SAMD12: variants seen among roughly 807,000 people sequenced by gnomAD.
The protein encoded by SAMD12 is sterile alpha motif domain containing 12.
Under a neutral mutation model 15.0 loss-of-function variants are expected in SAMD12, and 9 were observed. That is an observed-to-expected ratio of 0.60 (90% CI 0.36 to 1.05). The LOEUF is 1.05. SAMD12 is among the 50% of genes least tolerant of loss of function. The probability of loss-of-function intolerance (pLI) is 0.01; values close to 1 mark genes in which losing one functional copy is unlikely to be tolerated. For missense variants in SAMD12, 230 were observed against 234.2 expected, an observed-to-expected ratio of 0.98 and a Z score of 0.12; for synonymous variants, 86 against 90.1, an observed-to-expected ratio of 0.96 and a Z score of 0.25.
intron 3 of SAMD12, among the ~76,000 whole-genome samples, chr8:118,384,693 A>T (rs1442610028): frequency 2.0e-5 from 3 of 152,170 alleles, no homozygotes; most frequent in Non-Finnish European, 4.4e-5. Context: ...TTTTTTCTTT[A>T]GAGAGCACTT....
At chr8:118,519,997 AT>A (rs1361684374) in intron 2 of SAMD12, among the ~76,000 whole-genome samples, 1 of 152,216 alleles carries the variant, frequency 6.6e-6, no homozygotes, top group African/African-American at 2.4e-5. Context: ...ATTACTGATA[AT>A]TGCAGATAAT....
chr8:118,444,037 A>G (rs1822832408), intron 2 of SAMD12, among the ~76,000 whole-genome samples: 2 of 151,556 alleles, frequency 1.3e-5, no homozygotes, highest in African/African-American at 4.9e-5. Context: ...CAACACCTAC[A>G]CTCTCTTCAC....
At chr8:118,549,284 T>C (rs1021052500) in intron 2 of SAMD12, among the ~76,000 whole-genome samples, 12 of 152,086 alleles carry the variant, frequency 7.9e-5, no homozygotes, top group Non-Finnish European at 1.3e-4. Context: ...ACCCCCCAAG[T>C]AGGGGCAAAC....
chr8:118,478,073 A>G (rs1824015547), intron 2 of SAMD12, among the ~76,000 whole-genome samples: 1 of 151,550 alleles, frequency 6.6e-6, no homozygotes, highest in Non-Finnish European at 1.5e-5. Flanking sequence ...CTGACTCTGC[A>G]CCTCTAGTTC....
intron 2 of SAMD12, among the ~76,000 whole-genome samples, chr8:118,464,616 T>C (rs1823532580): frequency 6.6e-6 from 1 of 152,158 alleles, no homozygotes; most frequent in Non-Finnish European, 1.5e-5. Flanking sequence ...GAAAGTAGCA[T>C]AAAGGATACA....
intron 4 of SAMD12, among the ~76,000 whole-genome samples, chr8:118,311,185 C>A (rs900956969): frequency 6.6e-6 from 1 of 152,154 alleles, no homozygotes; most frequent in Non-Finnish European, 1.5e-5. Context: ...CTGCAGCCTT[C>A]GAAATCCTTG....
intron 2 of SAMD12, among the ~76,000 whole-genome samples, chr8:118,466,685 T>A (rs1238265271): frequency 6.6e-6 from 1 of 152,198 alleles, no homozygotes; most frequent in Non-Finnish European, 1.5e-5. Context: ...GACCATCCTT[T>A]ACAAATTACT....
Position 118,378,917 on chromosome 8 carries a change from C to T in SAMD12, c.*500G>A. ...TATAATTCCTGTTAAGAATTATATA[C>T]TCTTAACAGTGTAGTTTTAGATTCA... is the stretch of plus-strand genomic sequence containing the variant. On this transcript the variant is annotated 3_prime_UTR_variant, in exon 4 of 4. Coordinates refer to ENST00000314727, the MANE Select transcript of SAMD12 (RefSeq NM_207506.3). 1 of 932,958 alleles carries T rather than the reference C, an allele frequency of 1.1e-6. No individual in the cohort carries two copies. Among genetic ancestry groups the T allele is most frequent in the Non-Finnish European group, 1.3e-6 (1 of 781,126 alleles). 57.8% of individuals were successfully genotyped at this position (932,958 alleles called of 1,614,324 possible). A position where few individuals can be genotyped will look rare whatever the true frequency, so the allele number is the denominator to read the frequency against.
the SAMD12 span, among the ~76,000 whole-genome samples, chr8:118,137,990 AAAATT>A: frequency 6.3e-4 from 96 of 151,786 alleles, no homozygotes; most frequent in Middle Eastern, 3.4e-3. Context: ...TCATGGGACT[AAAATT>A]AGAGAGGAAA....
chr8:118,282,214 G>A, intron 4 of SAMD12: 1 of 442,022 alleles, frequency 2.3e-6, no homozygotes, highest in Non-Finnish European at 4.5e-6. Flanking sequence ...GGAAATCTGG[G>A]TTTGGAGCAG....
chr8:118,433,207 G>A (rs962344455), intron 3 of SAMD12, among the ~76,000 whole-genome samples: 9 of 152,170 alleles, frequency 5.9e-5, no homozygotes, highest in Non-Finnish European at 1.2e-4. Context: ...GTGTGCTGAC[G>A]TAGTCTGCTT....
Position 118,329,700 on chromosome 8 carries a change from C to T in SAMD12, c.433+49860G>A, listed in dbSNP as rs533729942. Among the ~76,000 whole-genome samples the T allele has an allele frequency of 7.2e-5, 11 of 152,296 alleles. No homozygotes were observed. The East Asian group carries it at 1.2e-3, about 16-fold the overall frequency. On this transcript the variant is annotated intron_variant, in intron 4 of 4. Coordinates refer to the SAMD12 transcript ENST00000409003. ...TGAAATTCATCTGAATGGGTCATTG[C>T]TGCATGTTTTCCATTATTTGACTCT...
intron 2 of SAMD12, among the ~76,000 whole-genome samples, chr8:118,553,351 A>G (rs978171572): frequency 1.3e-5 from 2 of 152,008 alleles, no homozygotes; most frequent in African/African-American, 4.8e-5. Flanking sequence ...TCAATGGAAC[A>G]GAACAGAGCC....
At chr8:118,543,631 C>CTTTTTTTTTTTTTTTTTTT (rs397978436) in intron 2 of SAMD12, among the ~76,000 whole-genome samples, 19 of 116,626 alleles carry the variant, frequency 1.6e-4, no homozygotes, top group African/African-American at 5.4e-4. Context: ...TTCTTTCTTT[C>CTTTTTTTTTTTTTTTTTTT]TTTTTTTTTT....
intron 4 of SAMD12, among the ~76,000 whole-genome samples, chr8:118,319,405 C>G (rs929817769): frequency 7.2e-5 from 11 of 152,142 alleles, no homozygotes; most frequent in Non-Finnish European, 1.3e-4. Flanking sequence ...GGAAGGAGTT[C>G]TGTGTGACAC....
chr8:118,143,412 C>G, the SAMD12 span, among the ~76,000 whole-genome samples: 2 of 152,076 alleles, frequency 1.3e-5, no homozygotes, highest in African/African-American at 4.8e-5. Flanking sequence ...GCATAAATAC[C>G]CTAAGTGACT....
intron 2 of SAMD12, among the ~76,000 whole-genome samples, chr8:118,559,822 G>A (rs111890955): frequency 0.018 from 2,709 of 152,236 alleles, 84 homozygotes; most frequent in African/African-American, 0.062. Context: ...GAAATCTAAT[G>A]GGGTGTTGTA....
chr8:118,347,011 C>G (rs760834919), intron 4 of SAMD12, among the ~76,000 whole-genome samples: 8 of 152,202 alleles, frequency 5.3e-5, no homozygotes, highest in Non-Finnish European at 7.3e-5. Context: ...TCATGGGATT[C>G]CTCCTGCCTT....
intron 1 of SAMD12, among the ~76,000 whole-genome samples, chr8:118,605,864 A>G (rs1418409666): frequency 7.2e-6 from 1 of 138,492 alleles, no homozygotes; most frequent in African/African-American, 2.8e-5. Flanking sequence ...AGCTGTATGT[A>G]CAAGGGTTTA....
Sources: allele counts gnomAD v4.1 joint callset (sites outside exome capture counted in the v4.1 genomes callset), GRCh38; gene constraint gnomAD v4.1.1; transcripts MANE v1.5; gene names NCBI Gene and HGNC (gene_info 2026-07-23, HGNC 2026-07-21).